The following TAF1 variants were observed in gnomAD, a reference collection of about 807,000 sequenced individuals.
TAF1 encodes TATA-box binding protein associated factor 1, also known as transcription initiation factor TFIID subunit 1.
A neutral mutation model predicts 138.5 loss-of-function variants in TAF1; 2 were observed. The observed-to-expected ratio is 0.01, with a 90% CI of 0.01 to 0.05. The LOEUF is 0.05. TAF1 is among the 10% of genes least tolerant of loss of function. The probability of loss-of-function intolerance (pLI) is 1.00; values close to 1 mark genes in which losing one functional copy is unlikely to be tolerated. For synonymous variants in TAF1, 437 were observed against 503.2 expected, an observed-to-expected ratio of 0.87 and a Z score of 1.76; for missense variants, 709 against 1,478.0, an observed-to-expected ratio of 0.48 and a Z score of 8.53.
At chrX:71,495,249 C>T (rs1475542274) in intron 13 of TAF1, among the ~76,000 whole-genome samples, 2 of 111,600 alleles carry the variant, frequency 1.8e-5, no homozygotes, top group African/African-American at 6.5e-5. Context: ...CAGGGGTCCT[C>T]GGTAGAAGTT....
chrX:71,381,634 C>G, intron 8 of TAF1, 109 bp from the exon 9 acceptor site: 3 of 858,561 alleles, frequency 3.5e-6, no homozygotes, highest in Non-Finnish European at 3.3e-6. Flanking sequence ...AATAACTCCA[C>G]TAACTCGCTC....
intron 13 of TAF1, among the ~76,000 whole-genome samples, chrX:71,486,639 C>G (rs2039178275): frequency 9.1e-6 from 1 of 109,656 alleles, no homozygotes; most frequent in African/African-American, 3.3e-5. Context: ...CGTGAGCCAT[C>G]AAGCTTGGCT....
At chrX:71,376,500 T>A (rs1462913641) in intron 4 of TAF1, among the ~76,000 whole-genome samples, 2 of 110,079 alleles carry the variant, frequency 1.8e-5, no homozygotes, top group African/African-American at 6.6e-5. Flanking sequence ...ACCCCGTCTC[T>A]ACTAAAAATG....
intron 14 of TAF1, among the ~76,000 whole-genome samples, chrX:71,529,157 C>T (rs188905926): frequency 1.5e-3 from 166 of 109,919 alleles, no homozygotes; most frequent in African/African-American, 4.6e-3. Flanking sequence ...CTGCAACCTC[C>T]GCCTCCTGGG....
chrX:71,455,813 T>A (rs1357831652), intron 34 of TAF1, among the ~76,000 whole-genome samples: 1 of 112,546 alleles, frequency 8.9e-6, no homozygotes, highest in Non-Finnish European at 1.9e-5. Context: ...AAATTTTTTT[T>A]CATTCTATCC....
intron 32 of TAF1, among the ~76,000 whole-genome samples, chrX:71,437,834 CTTT>C (rs1163295877): frequency 2.1e-5 from 2 of 93,676 alleles, no homozygotes; most frequent in African/African-American, 3.8e-5. Flanking sequence ...GTCATTTTAA[CTTT>C]TTTTTTTTTT....
At chrX:71,457,790 C>T (rs1160902891) in intron 34 of TAF1, among the ~76,000 whole-genome samples, 4 of 112,373 alleles carry the variant, frequency 3.6e-5, no homozygotes, top group Non-Finnish European at 5.6e-5. Context: ...TGCCATTTTG[C>T]TTCGTAGCAT....
At chrX:71,450,454 C>T (rs766138977) in intron 32 of TAF1, among the ~76,000 whole-genome samples, 10 of 112,413 alleles carry the variant, frequency 8.9e-5, no homozygotes, top group East Asian at 8.4e-4. Context: ...CTCCCCACCT[C>T]GGCCTCCCAA....
At chrX:71,367,938 TG>T in intron 2 of TAF1, 115 bp from the exon 3 acceptor site, 1 of 818,191 alleles carries the variant, frequency 1.2e-6, no homozygotes, top group Non-Finnish European at 1.8e-6. Flanking sequence ...TCCAAAGTGC[TG>T]GGATTACAGG....
At chrX:71,391,581 CA>C (rs781564008) in intron 18 of TAF1, among the ~76,000 whole-genome samples, 215 of 108,380 alleles carry the variant, frequency 2.0e-3, no homozygotes, top group Non-Finnish European at 3.4e-3. Context: ...AATGGCTTTC[CA>C]GATTGAACCT....
At chrX:71,445,947 G>A (rs2037675174) in intron 32 of TAF1, among the ~76,000 whole-genome samples, 1 of 103,094 alleles carries the variant, frequency 9.7e-6, no homozygotes, top group African/African-American at 3.6e-5. Context: ...CCAAGTCTGT[G>A]TCACCCAGGT....
At position 71,427,631 on chromosome X, in the gene TAF1, C is replaced by T. The variant is rs895316706; in HGVS notation, c.4753+3393C>T. 3.6e-5 allele frequency among the ~76,000 whole-genome samples: 4 copies of T among 111,669 alleles called. No individual in the cohort carries two copies. The Admixed American group carries it at 3.8e-4, about 11-fold the overall frequency. On this transcript the variant is annotated intron_variant, in intron 32 of 37. Coordinates refer to ENST00000423759, the MANE Select transcript of TAF1 (RefSeq NM_004606.5). ...ACAAACATGAATAAATATTCTGTTGCACTAGTAATCCAAGAAATGCAATTG... is the reference window on the plus strand; with the variant it reads ...ACAAACATGAATAAATATTCTGTTGTACTAGTAATCCAAGAAATGCAATTG...
intron 28 of TAF1, among the ~76,000 whole-genome samples, chrX:71,417,231 C>T (rs1412299479): frequency 1.8e-5 from 2 of 109,874 alleles, no homozygotes; most frequent in East Asian, 5.8e-4. Flanking sequence ...CAAGCATGCT[C>T]AGCCCCCTCA....
At chrX:71,400,093 T>G (rs1224963580) in intron 24 of TAF1, among the ~76,000 whole-genome samples, 1 of 107,623 alleles carries the variant, frequency 9.3e-6, no homozygotes, top group Admixed American at 1.0e-4. Flanking sequence ...TTTTTTTGTT[T>G]GTTTGGTTTT....
chrX:71,512,727 A>G (rs1472300359), intron 13 of TAF1, among the ~76,000 whole-genome samples: 2 of 111,343 alleles, frequency 1.8e-5, no homozygotes, highest in African/African-American at 6.5e-5. Flanking sequence ...CTGAGGCAGG[A>G]GAATTGCTTG....
intron 13 of TAF1, among the ~76,000 whole-genome samples, chrX:71,505,764 T>G (rs2039609483): frequency 8.9e-6 from 1 of 111,892 alleles, no homozygotes; most frequent in Non-Finnish European, 1.9e-5. Flanking sequence ...CTCATGCCTG[T>G]AATCCCAGCA....
At chrX:71,497,582 A>G (rs2039419486) in intron 13 of TAF1, among the ~76,000 whole-genome samples, 1 of 111,645 alleles carries the variant, frequency 9.0e-6, no homozygotes, top group African/African-American at 3.3e-5. Context: ...TACGTATGCC[A>G]CTGGTTGTGG....
chrX:71,524,338 A>G (rs1006827162), intron 13 of TAF1, among the ~76,000 whole-genome samples: 2 of 110,923 alleles, frequency 1.8e-5, no homozygotes, highest in Non-Finnish European at 3.8e-5. Flanking sequence ...AGTCTGTAAT[A>G]GTTCTTATAG....
At chrX:71,401,920 C>T (rs2035193908) in intron 25 of TAF1, among the ~76,000 whole-genome samples, 181 bp downstream of exon 25, 1 of 111,594 alleles carries the variant, frequency 9.0e-6, no homozygotes, top group Non-Finnish European at 1.9e-5. Context: ...TTAGGTTGTA[C>T]CACTTGTTTT....
Sources: allele counts gnomAD v4.1 joint callset (sites outside exome capture counted in the v4.1 genomes callset), GRCh38; gene constraint gnomAD v4.1.1; transcripts MANE v1.5; gene names NCBI Gene and HGNC (gene_info 2026-07-23, HGNC 2026-07-21).